WNT9A: variants seen among roughly 807,000 people sequenced by gnomAD.
WNT9A encodes protein Wnt-9a.
WNT9A carries 8 observed loss-of-function variants against 31.4 expected under a neutral mutation model. The ratio of observed to expected loss-of-function variants is 0.26; its 90% confidence interval spans 0.15 to 0.46. The LOEUF (loss-of-function observed/expected upper bound fraction) is 0.46. Ranked by LOEUF, WNT9A falls within the 20% of genes least tolerant of loss-of-function variation. The pLI is 0.99. For missense variants in WNT9A, 457 were observed against 522.9 expected (o/e 0.87, Z 1.23); for synonymous variants, 236 against 220.1 (o/e 1.07, Z -0.64).
intron 1 of WNT9A, among the ~76,000 whole-genome samples, chr1:227,941,419 A>G (rs570470384): frequency 6.6e-6 from 1 of 152,062 alleles, no homozygotes; most frequent in South Asian, 2.1e-4. Context: ...GCATCTGAAG[A>G]GACCCCACGG....
chr1:227,944,661 C>T (rs1192519982), intron 1 of WNT9A, among the ~76,000 whole-genome samples: 4 of 152,196 alleles, frequency 2.6e-5, no homozygotes, highest in Admixed American at 6.5e-5. Context: ...GGGGCCACAG[C>T]CGGGGGCACC....
chr1:227,924,048 A>T (rs1352459921), intron 3 of WNT9A, 90 bp downstream of exon 3: 6 of 1,396,046 alleles, frequency 4.3e-6, no homozygotes, highest in Non-Finnish European at 3.8e-6. Flanking sequence ...GCCCTGCTGC[A>T]GCCCCGCCCC....
At chr1:227,940,349 G>A (rs1193765316) in intron 1 of WNT9A, among the ~76,000 whole-genome samples, 2 of 152,194 alleles carry the variant, frequency 1.3e-5, no homozygotes, top group Non-Finnish European at 2.9e-5. Flanking sequence ...TCTGTGCTCA[G>A]TGACCACAGC....
chr1:227,935,544 C>G (rs1490016665), intron 1 of WNT9A, among the ~76,000 whole-genome samples: 9 of 152,226 alleles, frequency 5.9e-5, no homozygotes, highest in African/African-American at 9.6e-5. Flanking sequence ...CTCTAACATT[C>G]TGTATCCTCC....
intron 2 of WNT9A, 62 bp from the exon 3 acceptor site, chr1:227,924,462 T>A: frequency 6.4e-7 from 1 of 1,554,520 alleles, no homozygotes; most frequent in Non-Finnish European, 8.7e-7. Context: ...TTCACTGTCC[T>A]GCAGCCAAAT....
intron 1 of WNT9A, among the ~76,000 whole-genome samples, chr1:227,941,920 C>T (rs1410467099): frequency 2.6e-5 from 4 of 152,112 alleles, no homozygotes; most frequent in African/African-American, 7.2e-5. Flanking sequence ...CAACAGGTGT[C>T]GCTTTCCCGC....
chr1:227,924,526 G>A lies in WNT9A; in HGVS notation c.353-126C>T, dbSNP rs368924817. The A allele has an allele frequency of 5.1e-6, 7 of 1,370,786 alleles. No individual in the cohort carries two copies. The East Asian group carries it at 1.5e-4, about 30-fold the overall frequency. The allele number at this position is 1,370,786 out of a possible 1,614,324, so 84.9% of individuals were successfully genotyped here. A position where few individuals can be genotyped will look rare whatever the true frequency, so the allele number is the denominator to read the frequency against. Reference sequence around the variant, plus strand: ...GGCTCAGAGCATCTTTCCTGGTGCTGCACTCGGGACAGGGTGTGGGTGTGC... The same window carrying A: ...GGCTCAGAGCATCTTTCCTGGTGCTACACTCGGGACAGGGTGTGGGTGTGC... On this transcript the variant is annotated intron_variant, in intron 2 of 3. Coordinates refer to ENST00000272164, the MANE Select transcript of WNT9A (RefSeq NM_003395.4).
Position 227,924,130 on chromosome 1 carries a change from C to G in WNT9A, c.615+8G>C. On this transcript the variant is annotated splice_region_variant and intron_variant, in intron 3 of 3. Transcript: ENST00000272164. Reference sequence around the variant, plus strand: ...CCCTTCCCACCCCGCCAGCCCCACCCCACTTGCCTTCACACCCACGAGGTT... The same window carrying G: ...CCCTTCCCACCCCGCCAGCCCCACCGCACTTGCCTTCACACCCACGAGGTT... The G allele has an allele frequency of 6.2e-7, 1 of 1,603,038 alleles. No individual in the cohort carries two copies. The highest frequency in any genetic ancestry group is 8.5e-7 in the Non-Finnish European group (1 of 1,172,676).
Position 227,918,806 on chromosome 1 carries a change from A to G in WNT9A, c.*2712T>C, listed in dbSNP as rs1241723277. On this transcript the variant is annotated 3_prime_UTR_variant, in exon 4 of 4. Coordinates refer to ENST00000272164, the MANE Select transcript of WNT9A (RefSeq NM_003395.4). ...TTGCACGCACGGAGACTCGGAGCAC[A>G]GACAGGGCCCCTCCCACCCACCCAC... 6.6e-6 allele frequency: 1 copy of G among 152,244 alleles called. No individual in the cohort carries two copies. Among genetic ancestry groups the G allele is most frequent in the Non-Finnish European group, 1.5e-5 (1 of 68,064 alleles). 9.4% of individuals were successfully genotyped at this position (152,244 alleles called of 1,614,324 possible). A position where few individuals can be genotyped will look rare whatever the true frequency, so the allele number is the denominator to read the frequency against.
Position 227,926,593 on chromosome 1 carries a change from C to T in WNT9A, c.96-1074G>A, listed in dbSNP as rs74140813. Among the ~76,000 whole-genome samples the T allele has an allele frequency of 1.3e-5, 2 of 152,156 alleles. No homozygotes were observed. Among genetic ancestry groups the T allele is most frequent in the East Asian group, 3.9e-4 (2 of 5,120 alleles). On this transcript the variant is annotated intron_variant, in intron 1 of 3. Coordinates refer to ENST00000272164, the MANE Select transcript of WNT9A (RefSeq NM_003395.4). This position sits in a 1 kb window ranked among gnomAD's most constrained non-coding sequence, Gnocchi z 5.0. The stretch of plus-strand genomic sequence containing the variant: ...ACATGGGTGGACTGAATGTCAGGGG[C>T]CCCAGGCACGGCCACCTCAAGCCAG...
At chr1:227,938,674 T>C (rs189006130) in intron 1 of WNT9A, among the ~76,000 whole-genome samples, 1 of 152,142 alleles carries the variant, frequency 6.6e-6, no homozygotes, top group South Asian at 2.1e-4. Flanking sequence ...CACATACATA[T>C]ACATGCATGT....
In WNT9A at chr1:227,926,151, C is replaced by G. The variant is rs1468290691; in HGVS notation, c.96-632G>C. 6.6e-6 allele frequency among the ~76,000 whole-genome samples: 1 copy of G among 152,076 alleles called. No homozygotes were observed. Among genetic ancestry groups the G allele is most frequent in the Non-Finnish European group, 1.5e-5 (1 of 67,984 alleles). ...AGCTCTTGGTTCTCTGACACTCTAC[C>G]CCTCTCACCTCACCAAATCTGGACA... On this transcript the variant is annotated intron_variant, in intron 1 of 3. Transcript: ENST00000272164. This position sits in a 1 kb window ranked among gnomAD's most constrained non-coding sequence, Gnocchi z 5.0.
intron 1 of WNT9A, among the ~76,000 whole-genome samples, chr1:227,933,291 T>C (rs1666541605): frequency 6.6e-6 from 1 of 152,244 alleles, no homozygotes; most frequent in African/African-American, 2.4e-5. Context: ...CACCTTTTTT[T>C]CTGCAGCTTC....
rs1290360597 is a variant in WNT9A at position 227,928,306 on chromosome 1, G to C, written c.96-2787C>G. Among the ~76,000 whole-genome samples, 8 of 151,938 alleles carry C rather than the reference G, an allele frequency of 5.3e-5. No homozygotes were observed. The highest frequency in any genetic ancestry group is 1.2e-4 in the Non-Finnish European group (8 of 67,962). ...GAGGCAACTCCCTAAACGCAGCTACGGGTGACTGACCCTGATCCAAGGCCA... is the reference window on the plus strand; with the variant it reads ...GAGGCAACTCCCTAAACGCAGCTACCGGTGACTGACCCTGATCCAAGGCCA... On this transcript the variant is annotated intron_variant, in intron 1 of 3. Transcript: ENST00000272164. The surrounding 1 kb of genome is among the most constrained non-coding windows in gnomAD (Gnocchi z 4.5).
Position 227,928,811 on chromosome 1 carries a change from A to G in WNT9A, c.96-3292T>C, listed in dbSNP as rs977992059. Among the ~76,000 whole-genome samples the G allele has an allele frequency of 3.3e-5, 5 of 152,240 alleles. No individual in the cohort carries two copies. Among genetic ancestry groups the G allele is most frequent in the Admixed American group, 6.5e-5 (1 of 15,286 alleles). On this transcript the variant is annotated intron_variant, in intron 1 of 3. Transcript: ENST00000272164. The surrounding 1 kb of genome is among the most constrained non-coding windows in gnomAD (Gnocchi z 4.5). ...GGTTCCCAACACAACCTCAGAACAG[A>G]GAAGCTTTCTTCCGTGAGACTCAGA...
chr1:227,943,631 C>T (rs538156718), intron 1 of WNT9A, among the ~76,000 whole-genome samples: 2 of 152,260 alleles, frequency 1.3e-5, no homozygotes, highest in East Asian at 3.9e-4. Flanking sequence ...TTCTGCACTG[C>T]CGGCAGAAAT....
At chr1:227,945,673 G>A (rs1666782823) in intron 1 of WNT9A, among the ~76,000 whole-genome samples, 1 of 152,020 alleles carries the variant, frequency 6.6e-6, no homozygotes, top group Admixed American at 6.5e-5. Flanking sequence ...AGCTGGGAAG[G>A]GCCACCCCAG....
At chr1:227,947,075 G>A (rs1490843534) in intron 1 of WNT9A, among the ~76,000 whole-genome samples, 2 of 152,224 alleles carry the variant, frequency 1.3e-5, no homozygotes, top group Admixed American at 6.5e-5. Flanking sequence ...CAGAGAGGGG[G>A]AGGGAAGAAG....
At chr1:227,945,121 C>T (rs1488095473) in intron 1 of WNT9A, among the ~76,000 whole-genome samples, 6 of 152,222 alleles carry the variant, frequency 3.9e-5, no homozygotes, top group East Asian at 1.9e-4. Context: ...CCAGCAAGGG[C>T]GAAGCGAGAG....
Sources: allele counts gnomAD v4.1 joint callset (sites outside exome capture counted in the v4.1 genomes callset), GRCh38; gene constraint gnomAD v4.1.1; non-coding constraint Gnocchi (gnomAD v3.1); transcripts MANE v1.5; gene names NCBI Gene and HGNC (gene_info 2026-07-23, HGNC 2026-07-21).